MAST4: variants seen among roughly 807,000 people sequenced by gnomAD.
The protein encoded by MAST4 is microtubule associated serine/threonine kinase family member 4, also known as microtubule-associated serine/threonine-protein kinase 4.
Under a neutral mutation model 162.7 loss-of-function variants are expected in MAST4, and 89 were observed. That is an observed-to-expected ratio of 0.55 (90% CI 0.46 to 0.65). The LOEUF (loss-of-function observed/expected upper bound fraction) is 0.65, where lower values mean the gene tolerates loss of function less well. MAST4 is among the 30% of genes least tolerant of loss of function. The probability of loss-of-function intolerance (pLI) is 0.00; values close to 1 mark genes in which losing one functional copy is unlikely to be tolerated. For synonymous variants in MAST4, 1,479 were observed against 1,361.1 expected (o/e 1.09, Z -1.91); for missense variants, 3,153 against 3,374.0 (o/e 0.93, Z 1.62).
In MAST4 at chr5:67,166,938, C is replaced by T. The variant is rs756165127; in HGVS notation, c.7759C>T (p.Pro2587Ser). The T allele has an allele frequency of 2.7e-5, 43 of 1,612,158 alleles. No individual in the cohort carries two copies. In the East Asian group the frequency reaches 9.6e-4, roughly 36 times the overall value. ...GGGCAGAGACGTGACCAAGCCATCC[C>T]CAGCCCCAAACACTGACCGCCCCAT... The part of the protein sequence containing the change: ...NVGRDVTKPS[P>S]APNTDRPISL... Residue 2587 changes from proline to serine, a missense_variant, in exon 29 of 29, where the codon CCA (proline) becomes TCA (serine). Pro to Ser is a moderately conservative substitution (Grantham distance 74, BLOSUM62 -1). Transcript: ENST00000403625.
chr5:66,970,209 C>T (rs528266040), intron 4 of MAST4, among the ~76,000 whole-genome samples: 1 of 152,238 alleles, frequency 6.6e-6, no homozygotes, highest in Non-Finnish European at 1.5e-5. Flanking sequence ...TGGTTTCTGC[C>T]AGTGCCACCA....
chr5:66,636,283 C>T (rs1745117440), intron 1 of MAST4, among the ~76,000 whole-genome samples: 1 of 152,082 alleles, frequency 6.6e-6, no homozygotes. Context: ...TCAGAAGATG[C>T]ACCCTTGACT....
At chr5:67,024,837 TTTTTTTA>T (rs1430414765) in intron 4 of MAST4, among the ~76,000 whole-genome samples, 1 of 151,836 alleles carries the variant, frequency 6.6e-6, no homozygotes, top group Non-Finnish European at 1.5e-5. Context: ...CCCATGTTTT[TTTTTTTA>T]TTTTTAGCTA....
intron 1 of MAST4, among the ~76,000 whole-genome samples, chr5:66,599,519 T>TA (rs1742421264): frequency 6.6e-6 from 1 of 152,212 alleles, no homozygotes; most frequent in African/African-American, 2.4e-5. Context: ...ACATGCTATC[T>TA]AATTTAATCC....
At chr5:67,074,052 A>G (rs1406362220) in intron 5 of MAST4, among the ~76,000 whole-genome samples, 3 of 152,176 alleles carry the variant, frequency 2.0e-5, no homozygotes, top group East Asian at 1.9e-4. Flanking sequence ...CATATCTACA[A>G]GAAGTATAAT....
chr5:66,975,840 C>T (rs922476440), intron 4 of MAST4, among the ~76,000 whole-genome samples: 4 of 152,064 alleles, frequency 2.6e-5, no homozygotes, highest in Non-Finnish European at 4.4e-5. Flanking sequence ...ACTAAAAATA[C>T]AAAAATTAGC....
intron 4 of MAST4, among the ~76,000 whole-genome samples, chr5:66,988,406 C>G (rs1749737885): frequency 6.6e-6 from 1 of 152,146 alleles, no homozygotes; most frequent in African/African-American, 2.4e-5. Context: ...AATGGGCAAG[C>G]AGCTTTGTTG....
chr5:66,751,958 C>T (rs1364419970), intron 1 of MAST4, among the ~76,000 whole-genome samples: 2 of 151,352 alleles, frequency 1.3e-5, no homozygotes, highest in African/African-American at 4.9e-5. Flanking sequence ...GGCAGAAACC[C>T]TACAAGCCAG....
At chr5:66,605,726 C>T (rs1198483884) in intron 1 of MAST4, among the ~76,000 whole-genome samples, 4 of 152,130 alleles carry the variant, frequency 2.6e-5, no homozygotes, top group African/African-American at 7.2e-5. Flanking sequence ...CTTTAATCCA[C>T]GGTGATTGTT....
intron 2 of MAST4, among the ~76,000 whole-genome samples, chr5:66,781,439 C>G (rs1440837569): frequency 6.6e-6 from 1 of 152,232 alleles, no homozygotes; most frequent in African/African-American, 2.4e-5. Context: ...TGTGCCCTGT[C>G]TGCCTGCTCA....
Position 67,121,201 on chromosome 5 carries a change from G to T in MAST4, c.1745+99G>T, listed in dbSNP as rs996791972. The T allele has an allele frequency of 9.5e-6, 9 of 946,452 alleles. No homozygotes were observed. In the Admixed American group the frequency reaches 1.2e-4, roughly 13 times the overall value. 58.6% of individuals were successfully genotyped at this position (946,452 alleles called of 1,614,324 possible). A position where few individuals can be genotyped will look rare whatever the true frequency, so the allele number is the denominator to read the frequency against. On this transcript the variant is annotated intron_variant, in intron 14 of 28. Transcript: ENST00000403625. ...TAAGGCCAAATAGAAGCTGTATAGG[G>T]ACTTGACTTTTCAGATCACTGCTCC...
intron 4 of MAST4, among the ~76,000 whole-genome samples, chr5:66,963,513 A>G (rs879918235): frequency 1.3e-5 from 2 of 152,210 alleles, no homozygotes; most frequent in Admixed American, 6.5e-5. Flanking sequence ...TAAAATGTAA[A>G]TTTCAGCAGG....
intron 3 of MAST4, 78 bp from the exon 4 acceptor site, chr5:66,899,873 C>T (rs458115): frequency 0.53 from 605,039 of 1,146,272 alleles, 162,058 homozygotes; most frequent in African/African-American, 0.6. Context: ...ATGATACATT[C>T]TACGTTATCC....
intron 4 of MAST4, among the ~76,000 whole-genome samples, chr5:66,995,963 G>T (rs1383166438): frequency 1.3e-5 from 2 of 151,648 alleles, no homozygotes; most frequent in Non-Finnish European, 2.9e-5. Context: ...TCATAATTCT[G>T]TACTGACAGA....
intron 4 of MAST4, among the ~76,000 whole-genome samples, chr5:66,926,897 C>T (rs1055417066): frequency 3.3e-5 from 5 of 151,990 alleles, no homozygotes; most frequent in South Asian, 2.1e-4. Flanking sequence ...TCAGTGGTTA[C>T]GTCTGAGGGG....
At chr5:67,060,475 A>ATT (rs71610552) in intron 5 of MAST4, among the ~76,000 whole-genome samples, 16,356 of 120,480 alleles carry the variant, frequency 0.14, 1,488 homozygotes, top group Non-Finnish European at 0.19. Flanking sequence ...GAGTATCACA[A>ATT]TTTTTTTTTT....
At chr5:66,611,498 C>A (rs903478560) in intron 1 of MAST4, among the ~76,000 whole-genome samples, 5 of 152,242 alleles carry the variant, frequency 3.3e-5, no homozygotes, top group Non-Finnish European at 7.3e-5. Flanking sequence ...ATTTGTTCTT[C>A]TAAGAGATGG....
chr5:66,958,704 C>T (rs891639239), intron 4 of MAST4, among the ~76,000 whole-genome samples: 9 of 152,146 alleles, frequency 5.9e-5, no homozygotes, highest in Non-Finnish European at 1.2e-4. Flanking sequence ...GGCACTATTC[C>T]TCATTTATTT....
At chr5:67,069,313 A>AT (rs1230619144) in intron 5 of MAST4, among the ~76,000 whole-genome samples, 29 of 65,340 alleles carry the variant, frequency 4.4e-4, no homozygotes, top group African/African-American at 6.6e-4. Context: ...TATATATATA[A>AT]AATTTTAAAA....
Sources: gnomAD v4.1 joint callset for allele counts (sites outside exome capture counted in the v4.1 genomes callset) on GRCh38, gnomAD v4.1.1 for gene constraint, MANE v1.5 for transcripts, NCBI Gene and HGNC (gene_info 2026-07-23, HGNC 2026-07-21) for gene names.